USP21: variants seen among roughly 807,000 people sequenced by gnomAD.
USP21 encodes ubiquitin specific peptidase 21.
In USP21, 37 loss-of-function variants were observed where a neutral mutation model predicts 70.8. The observed-to-expected ratio is 0.52, with a 90% CI of 0.40 to 0.69. The LOEUF is 0.69. Among genes scored for constraint, USP21 ranks in the 30% least tolerant of loss-of-function variants. The probability of loss-of-function intolerance (pLI) is 0.00; values close to 1 mark genes in which losing one functional copy is unlikely to be tolerated. For synonymous variants in USP21, 263 were observed against 283.1 expected (o/e 0.93, Z 0.71); for missense variants, 584 against 740.8 (o/e 0.79, Z 2.46).
intron 8 of USP21, 59 bp downstream of exon 8, chr1:161,163,678 G>A: frequency 3.5e-6 from 5 of 1,437,002 alleles, no homozygotes; most frequent in Non-Finnish European, 4.8e-6. Flanking sequence ...TACAGGCTTG[G>A]GGGGAAAAAT....
chr1:161,165,634 C>A lies in USP21; in HGVS notation c.*187C>A, dbSNP rs1228019988. 1 of 576,834 alleles carries A rather than the reference C, an allele frequency of 1.7e-6. No homozygotes were observed. Among genetic ancestry groups the A allele is most frequent in the African/African-American group, 1.9e-5 (1 of 53,708 alleles). 35.7% of individuals were successfully genotyped at this position (576,834 alleles called of 1,614,324 possible). ...TGGAGGCTCCCTTGTCTCCCAGCCC[C>A]ATGTACAAAGCTCACCAAGCCCCTG... is the stretch of plus-strand genomic sequence containing the variant. On this transcript the variant is annotated 3_prime_UTR_variant, in exon 14 of 14. Coordinates refer to ENST00000368002, the MANE Select transcript of USP21 (RefSeq NM_001014443.3).
rs1485885239 is a variant in USP21, at chr1:161,161,135, A to G, written c.495A>G (p.Gly165=). Residue 165 remains glycine (G), a synonymous_variant, in exon 3 of 14, where the codon GGA becomes GGG. Transcript: ENST00000368002. The surrounding 1 kb of genome is among the most constrained non-coding windows in gnomAD (Gnocchi z 4.2). ...TSLRRLGGFP[G]PPTLFSIRTE... is the part of the protein sequence containing the mutation. ...TCCGCCGCCTAGGGGGCTTTCCTGG[A>G]CCCCCTACCCTGTTCAGCATACGGA... The G allele has an allele frequency of 6.2e-7, 1 of 1,613,210 alleles. No individual in the cohort carries two copies. The highest frequency in any genetic ancestry group is 8.5e-7 in the Non-Finnish European group (1 of 1,179,746).
chr1:161,162,004 A>G lies in USP21; in HGVS notation c.601-34A>G, dbSNP rs777875913. On this transcript the variant is annotated intron_variant, in intron 3 of 13. Coordinates refer to ENST00000368002, the MANE Select transcript of USP21 (RefSeq NM_001014443.3). The surrounding 1 kb of genome is among the most constrained non-coding windows in gnomAD (Gnocchi z 4.1). ...AAGGTTAAAGTGCCAGGTAGGATAT[A>G]TAGGAACTTGCCGATTGTACTCTGA... is the stretch of plus-strand genomic sequence containing the variant. 2 of 1,611,252 alleles carry G rather than the reference A, an allele frequency of 1.2e-6. No homozygotes were observed. Among genetic ancestry groups the G allele is most frequent in the Non-Finnish European group, 1.7e-6 (2 of 1,177,402 alleles).
At position 161,160,728 on chromosome 1, in the gene USP21, G is replaced by A; in HGVS notation, c.88G>A (p.Ala30Thr). Reference protein sequence around the residue: ...QPRVGSKLPFAPRARSKERRN... With the variant: ...QPRVGSKLPFTPRARSKERRN... Reference sequence around the variant, plus strand: ...CCGAGTGGGATCCAAGCTACCATTTGCCCCCAGGGCCCGCAGCAAGGAGCG... The same window carrying A: ...CCGAGTGGGATCCAAGCTACCATTTACCCCCAGGGCCCGCAGCAAGGAGCG... Residue 30 changes from alanine to threonine, a missense_variant, in exon 3 of 14, where the codon GCC becomes ACC. Ala to Thr is a moderately conservative substitution (Grantham distance 58, BLOSUM62 0). Coordinates refer to ENST00000368002, the MANE Select transcript of USP21 (RefSeq NM_001014443.3). The A allele has an allele frequency of 6.2e-7, 1 of 1,614,130 alleles. No homozygotes were observed. Among genetic ancestry groups the A allele is most frequent in the South Asian group, 1.1e-5 (1 of 91,086 alleles).
intron 8 of USP21, 112 bp downstream of exon 8, chr1:161,163,731 A>G: frequency 1.4e-6 from 2 of 1,383,578 alleles, no homozygotes; most frequent in Non-Finnish European, 2.1e-6. Flanking sequence ...GATGATGCAA[A>G]TGTGAAGCTG....
rs891597686 is a variant in USP21, at chr1:161,163,465, G to A, written c.1050-90G>A. On this transcript the variant is annotated intron_variant, in intron 7 of 13. Coordinates refer to ENST00000368002, the MANE Select transcript of USP21 (RefSeq NM_001014443.3). ...GGAGCAGGGGTGTGGATGGGGAGTA[G>A]GGCTCTGTAGGTTGTTTCAGTGGGT... 2.7e-5 allele frequency: 32 copies of A among 1,192,542 alleles called. No individual in the cohort carries two copies. The African/African-American group carries it at 4.2e-4, about 16-fold the overall frequency. 73.9% of individuals were successfully genotyped at this position (1,192,542 alleles called of 1,614,324 possible).
chr1:161,164,703 GAA>G lies in USP21; in HGVS notation c.1384+94_1384+95del, dbSNP rs748827658. On this transcript the variant is annotated intron_variant, in intron 11 of 13. Coordinates refer to ENST00000368002, the MANE Select transcript of USP21 (RefSeq NM_001014443.3). This position sits in a 1 kb window ranked among gnomAD's most constrained non-coding sequence, Gnocchi z 4.2. Reference sequence around the variant, plus strand: ...TTCCAGAGAATTGAATTTTCCTTAGGAAAAGTCTGCCACCCACTTTTCCACAA... The same window carrying G: ...TTCCAGAGAATTGAATTTTCCTTAGGAAGTCTGCCACCCACTTTTCCACAA... The G allele has an allele frequency of 1.3e-4, 203 of 1,604,068 alleles. No individual in the cohort carries two copies. Among genetic ancestry groups the G allele is most frequent in the Non-Finnish European group, 1.6e-4 (190 of 1,173,544 alleles).
rs1474942459 is a variant in USP21, at chr1:161,163,592, C to T, written c.1087C>T (p.Leu363=). ...DRANLMWKRY[L]EREDSKIVDL... is the part of the protein sequence containing the mutation. Reference sequence around the variant, plus strand: ...AGCCAACCTAATGTGGAAACGTTACCTGGAGCGAGAGGACAGCAAGATTGT... The same window carrying T: ...AGCCAACCTAATGTGGAAACGTTACTTGGAGCGAGAGGACAGCAAGATTGT... The change falls in exon 8 of 14, where the codon CTG becomes TTG. Residue 363 remains leucine, a synonymous_variant. Coordinates refer to ENST00000368002, the MANE Select transcript of USP21 (RefSeq NM_001014443.3). The T allele has an allele frequency of 1.2e-6, 2 of 1,612,320 alleles. No homozygotes were observed. Among genetic ancestry groups the T allele is most frequent in the Non-Finnish European group, 1.7e-6 (2 of 1,179,770 alleles).
At chr1:161,165,186 A>G in intron 13 of USP21, 43 bp downstream of exon 13, 1 of 1,563,800 alleles carries the variant, frequency 6.4e-7, no homozygotes, top group Non-Finnish European at 8.8e-7. Flanking sequence ...ATTCCCACTC[A>G]GCCCTGACAC....
At position 161,161,344 on chromosome 1, in the gene USP21, G is replaced by T. The variant is rs2101804083; in HGVS notation, c.600+104G>T. The T allele has an allele frequency of 2.1e-6, 3 of 1,417,552 alleles. No individual in the cohort carries two copies. In the East Asian group the frequency reaches 6.9e-5, roughly 33 times the overall value. 87.8% of individuals were successfully genotyped at this position (1,417,552 alleles called of 1,614,324 possible). A position where few individuals can be genotyped will look rare whatever the true frequency, so the allele number is the denominator to read the frequency against. On this transcript the variant is annotated intron_variant, in intron 3 of 13. Coordinates refer to ENST00000368002, the MANE Select transcript of USP21 (RefSeq NM_001014443.3). The surrounding 1 kb of genome is among the most constrained non-coding windows in gnomAD (Gnocchi z 4.2). ...CCATTTCCCTGAAGTTCCTTTCTCA[G>T]CCCTTCATTACAGCAGTTTGGACAT...
In USP21 at chr1:161,161,321, A is replaced by G; in HGVS notation, c.600+81A>G. The G allele has an allele frequency of 6.7e-7, 1 of 1,482,178 alleles. No individual in the cohort carries two copies. Among genetic ancestry groups the G allele is most frequent in the Admixed American group, 2.2e-5 (1 of 45,752 alleles). The allele number at this position is 1,482,178 out of a possible 1,614,324, so 91.8% of individuals were successfully genotyped here. A position where few individuals can be genotyped will look rare whatever the true frequency, so the allele number is the denominator to read the frequency against. On this transcript the variant is annotated intron_variant, in intron 3 of 13. Coordinates refer to ENST00000368002, the MANE Select transcript of USP21 (RefSeq NM_001014443.3). This position sits in a 1 kb window ranked among gnomAD's most constrained non-coding sequence, Gnocchi z 4.2. ...CCATCCTCTGCCTTTTCTGTCCCCC[A>G]TTTCCCTGAAGTTCCTTTCTCAGCC...
rs947870525 is a variant in USP21 at position 161,160,825 on chromosome 1, G to T, written c.185G>T (p.Arg62Leu). The T allele has an allele frequency of 6.2e-7, 1 of 1,614,080 alleles. No individual in the cohort carries two copies. Among genetic ancestry groups the T allele is most frequent in the Non-Finnish European group, 8.5e-7 (1 of 1,180,048 alleles). Residue 62 changes from arginine (R) to leucine (L), a missense_variant, in exon 3 of 14, where the codon CGG becomes CTG. By Grantham distance (102) the Arg-to-Leu change is moderately radical. Transcript: ENST00000368002. The part of the protein sequence containing the change: ...LPPRPGLPDE[R>L]LKKLELGRGR... ...CCCCGGCCAGGTCTGCCTGATGAACGGCTCAAGAAACTGGAGCTGGGACGG... is the reference window on the plus strand; with the variant it reads ...CCCCGGCCAGGTCTGCCTGATGAACTGCTCAAGAAACTGGAGCTGGGACGG...
chr1:161,163,171 A>G lies in USP21; in HGVS notation c.1049+97A>G, dbSNP rs1658089023. 4.3e-6 allele frequency: 6 copies of G among 1,405,868 alleles called. No individual in the cohort carries two copies. In the Admixed American group the frequency reaches 6.9e-5, roughly 16 times the overall value. 87.1% of individuals were successfully genotyped at this position (1,405,868 alleles called of 1,614,324 possible). On this transcript the variant is annotated intron_variant, in intron 7 of 13. Coordinates refer to ENST00000368002, the MANE Select transcript of USP21 (RefSeq NM_001014443.3). ...AGTAAAGATTGAAGATGTAGGGTCC[A>G]GGGAAACCCTTTAGTATAGAAAATA...
chr1:161,165,611 G>C lies in USP21; in HGVS notation c.*164G>C. The C allele has an allele frequency of 1.7e-6, 1 of 586,874 alleles. No homozygotes were observed. The highest frequency in any genetic ancestry group is 3.0e-6 in the Non-Finnish European group (1 of 331,544). The allele number at this position is 586,874 out of a possible 1,614,324, so 36.4% of individuals were successfully genotyped here. ...TTATTAAAAAATACCCTTCCACCTG[G>C]AGGCTCCCTTGTCTCCCAGCCCCAT... On this transcript the variant is annotated 3_prime_UTR_variant, in exon 14 of 14. Coordinates refer to ENST00000368002, the MANE Select transcript of USP21 (RefSeq NM_001014443.3).
In USP21 at chr1:161,162,403, C is replaced by T. The variant is rs201038746; in HGVS notation, c.781+13C>T. 14 of 1,590,058 alleles carry T rather than the reference C, an allele frequency of 8.8e-6. No individual in the cohort carries two copies. In the African/African-American group the frequency reaches 1.5e-4, roughly 17 times the overall value. ...GAGCTCACTGAAGGTGGGGCAACAA[C>T]TCCTGCTCCCTCTGTTCAAGTCCCT... is the stretch of plus-strand genomic sequence containing the variant. On this transcript the variant is annotated intron_variant, in intron 5 of 13. Coordinates refer to ENST00000368002, the MANE Select transcript of USP21 (RefSeq NM_001014443.3). This position sits in a 1 kb window ranked among gnomAD's most constrained non-coding sequence, Gnocchi z 4.1.
chr1:161,165,327 C>G (rs750091979), intron 13 of USP21, 30 bp from the exon 14 acceptor site: 1 of 1,600,840 alleles, frequency 6.2e-7, no homozygotes, highest in South Asian at 1.1e-5. Context: ...GGAATGACCA[C>G]AACCCTTTCC....
rs551735317 is a variant in USP21 at position 161,161,683 on chromosome 1, A to G, written c.601-355A>G. 8 of 418,900 alleles carry G rather than the reference A, an allele frequency of 1.9e-5. No individual in the cohort carries two copies. The Admixed American group carries it at 2.3e-4, about 12-fold the overall frequency. The allele number at this position is 418,900 out of a possible 1,614,324, so 25.9% of individuals were successfully genotyped here. A position where few individuals can be genotyped will look rare whatever the true frequency, so the allele number is the denominator to read the frequency against. On this transcript the variant is annotated intron_variant, in intron 3 of 13. Transcript: ENST00000368002. The surrounding 1 kb of genome is among the most constrained non-coding windows in gnomAD (Gnocchi z 4.2). ...AGCAGGAGAAGGGCAAGAAGGGGCC[A>G]CGGGGGCAGGAGGGGGTTTTGGGGG...
In USP21 at chr1:161,161,360, G is replaced by A. The variant is rs1036305623; in HGVS notation, c.600+120G>A. ...CCTTTCTCAGCCCTTCATTACAGCAGTTTGGACATGCCTCTCCCTTGCTTA... is the reference window on the plus strand; with the variant it reads ...CCTTTCTCAGCCCTTCATTACAGCAATTTGGACATGCCTCTCCCTTGCTTA... On this transcript the variant is annotated intron_variant, in intron 3 of 13. Coordinates refer to ENST00000368002, the MANE Select transcript of USP21 (RefSeq NM_001014443.3). This position sits in a 1 kb window ranked among gnomAD's most constrained non-coding sequence, Gnocchi z 4.2. 1.6e-6 allele frequency: 2 copies of A among 1,286,432 alleles called. No homozygotes were observed. The highest frequency in any genetic ancestry group is 2.1e-6 in the Non-Finnish European group (2 of 943,342). The allele number at this position is 1,286,432 out of a possible 1,614,324, so 79.7% of individuals were successfully genotyped here. A position where few individuals can be genotyped will look rare whatever the true frequency, so the allele number is the denominator to read the frequency against.
chr1:161,163,616 G>A lies in USP21; in HGVS notation c.1111G>A (p.Val371Met). ...RYLEREDSKI[V>M]DLFVGQLKSC... ...CCTGGAGCGAGAGGACAGCAAGATT[G>A]TGGGTATGGAATGGGGCAAAGCAAT... is the stretch of plus-strand genomic sequence containing the variant. Residue 371 changes from valine to methionine, a missense_variant, in exon 8 of 14, where the codon GTG (valine) becomes ATG (methionine). Val to Met is a conservative substitution (Grantham distance 21). Transcript: ENST00000368002. 1 of 1,611,104 alleles carries A rather than the reference G, an allele frequency of 6.2e-7. No homozygotes were observed. Among genetic ancestry groups the A allele is most frequent in the Non-Finnish European group, 8.5e-7 (1 of 1,178,656 alleles).
Sources: gnomAD v4.1 joint callset for allele counts on GRCh38, gnomAD v4.1.1 for gene constraint, Gnocchi (gnomAD v3.1) non-coding constraint, MANE v1.5 for transcripts, NCBI Gene and HGNC (gene_info 2026-07-23, HGNC 2026-07-21) for gene names.